Variants in CDYL2 observed in about 807,000 individuals in gnomAD.
CDYL2 encodes chromodomain Y like 2, also known as chromodomain Y-like protein 2.
In CDYL2, 23 loss-of-function variants were observed where a neutral mutation model predicts 49.4. The observed-to-expected ratio is 0.47, with a 90% CI of 0.34 to 0.66. The LOEUF (loss-of-function observed/expected upper bound fraction) is 0.66. Ranked by LOEUF, CDYL2 falls within the 30% of genes least tolerant of loss-of-function variation. The pLI, the probability that CDYL2 is intolerant of heterozygous loss-of-function variation, is 0.01. For synonymous variants in CDYL2, 360 were observed against 268.8 expected, an observed-to-expected ratio of 1.34 and a Z score of -3.32; for missense variants, 678 against 656.4, an observed-to-expected ratio of 1.03 and a Z score of -0.36.
intron 2 of CDYL2, among the ~76,000 whole-genome samples, chr16:80,635,908 C>T (rs1350745358): frequency 6.6e-6 from 1 of 152,112 alleles, no homozygotes; most frequent in African/African-American, 2.4e-5. Flanking sequence ...GAAATAACAC[C>T]ACTCATCTAC....
intron 1 of CDYL2, among the ~76,000 whole-genome samples, chr16:80,706,262 A>C (rs569015413): frequency 6.6e-6 from 1 of 152,358 alleles, no homozygotes; most frequent in East Asian, 1.9e-4. Context: ...CGAGAACTTC[A>C]ACAGGTTTGT....
At chr16:80,613,090 G>A (rs1906674819) in intron 4 of CDYL2, among the ~76,000 whole-genome samples, 1 of 152,028 alleles carries the variant, frequency 6.6e-6, no homozygotes, top group African/African-American at 2.4e-5. Flanking sequence ...ACTGCACCCA[G>A]TTACCATCTC....
At chr16:80,657,331 G>T (rs1011334442) in intron 2 of CDYL2, among the ~76,000 whole-genome samples, 1 of 152,094 alleles carries the variant, frequency 6.6e-6, no homozygotes, top group East Asian at 1.9e-4. Flanking sequence ...ATAGCATAAA[G>T]AACTAATTAA....
intron 2 of CDYL2, among the ~76,000 whole-genome samples, chr16:80,647,788 C>T: frequency 6.6e-6 from 1 of 152,134 alleles, no homozygotes; most frequent in East Asian, 1.9e-4. Context: ...ATTCACAAAA[C>T]AAGTCTTAAA....
chr16:80,734,950 G>C (rs1392417850), intron 1 of CDYL2, among the ~76,000 whole-genome samples: 1 of 152,184 alleles, frequency 6.6e-6, no homozygotes, highest in Non-Finnish European at 1.5e-5. Context: ...AGGCTTCCCA[G>C]TGATCCCTGA....
intron 3 of CDYL2, chr16:80,627,430 C>G (rs895009841): frequency 6.6e-6 from 1 of 152,198 alleles, no homozygotes; most frequent in Non-Finnish European, 1.5e-5. Context: ...CCAAACAAAA[C>G]AGCCATCTCA....
chr16:80,765,876 C>CG (rs1906706083), intron 1 of CDYL2, among the ~76,000 whole-genome samples: 1 of 47,174 alleles, frequency 2.1e-5, no homozygotes, highest in Non-Finnish European at 4.2e-5. Context: ...CCCTCATCTA[C>CG]AAAAAAAAAA....
chr16:80,656,243 C>G (rs549844691), intron 2 of CDYL2, among the ~76,000 whole-genome samples: 1 of 152,224 alleles, frequency 6.6e-6, no homozygotes, highest in African/African-American at 2.4e-5. Flanking sequence ...CCAAGGCATT[C>G]AAAAAGGAGG....
chr16:80,610,717 A>G lies in CDYL2; in HGVS notation c.1218+1909T>C, dbSNP rs561979282. Among the ~76,000 whole-genome samples, 18 of 152,310 alleles carry G rather than the reference A, an allele frequency of 1.2e-4. No homozygotes were observed. In the East Asian group the frequency reaches 3.3e-3, roughly 28 times the overall value. ...TCTGCTGTCCAAGAGGCATGATGAC[A>G]GCACCAAGCTCCCAGCACACTTTGC... is the stretch of plus-strand genomic sequence containing the variant. On this transcript the variant is annotated intron_variant, in intron 5 of 6. Transcript: ENST00000570137.
chr16:80,750,586 AC>A (rs1228788715), intron 1 of CDYL2, among the ~76,000 whole-genome samples: 1 of 152,214 alleles, frequency 6.6e-6, no homozygotes, highest in Non-Finnish European at 1.5e-5. Flanking sequence ...CATTAAAACA[AC>A]CCACCCAAAA....
At chr16:80,750,702 A>G in intron 1 of CDYL2, among the ~76,000 whole-genome samples, 1 of 152,320 alleles carries the variant, frequency 6.6e-6, no homozygotes, top group East Asian at 1.9e-4. Context: ...GAGAGAGAGT[A>G]CTATGTCCAA....
chr16:80,666,143 G>C (rs530738394), intron 2 of CDYL2, among the ~76,000 whole-genome samples: 2 of 152,270 alleles, frequency 1.3e-5, no homozygotes, highest in African/African-American at 4.8e-5. Context: ...TGAAAAGTGA[G>C]GCTCAAAAGC....
chr16:80,779,572 C>T (rs928440591), intron 1 of CDYL2, among the ~76,000 whole-genome samples: 1 of 151,850 alleles, frequency 6.6e-6, no homozygotes, highest in Non-Finnish European at 1.5e-5. Context: ...AAAGCTTATA[C>T]CCCTGTTTAA....
chr16:80,723,222 C>T (rs138487238), intron 1 of CDYL2, among the ~76,000 whole-genome samples: 4 of 152,206 alleles, frequency 2.6e-5, no homozygotes, highest in South Asian at 2.1e-4. Context: ...CATCTCCTCT[C>T]GGAGCTTTTC....
At chr16:80,696,273 T>A (rs900319642) in intron 1 of CDYL2, among the ~76,000 whole-genome samples, 15 of 152,018 alleles carry the variant, frequency 9.9e-5, no homozygotes, top group Admixed American at 4.6e-4. Flanking sequence ...GTAATAGCAA[T>A]GAACATCTAC....
chr16:80,794,127 C>T (rs1180258694), intron 1 of CDYL2, among the ~76,000 whole-genome samples: 1 of 152,158 alleles, frequency 6.6e-6, no homozygotes, highest in Non-Finnish European at 1.5e-5. Flanking sequence ...GTCCCCATTC[C>T]TTCTCTCAAA....
At chr16:80,679,593 A>C in intron 2 of CDYL2, 1 of 411,942 alleles carries the variant, frequency 2.4e-6, no homozygotes, top group South Asian at 1.8e-5. Flanking sequence ...GGAAACTCCA[A>C]GGCCTCATCT....
intron 3 of CDYL2, among the ~76,000 whole-genome samples, chr16:80,623,637 G>A (rs1282508281): frequency 6.6e-6 from 1 of 152,180 alleles, no homozygotes; most frequent in Non-Finnish European, 1.5e-5. Flanking sequence ...TTTGAGAAGT[G>A]CTGCTTTACG....
At chr16:80,714,620 A>G (rs1053202644) in intron 1 of CDYL2, among the ~76,000 whole-genome samples, 3 of 152,168 alleles carry the variant, frequency 2.0e-5, no homozygotes, top group Non-Finnish European at 2.9e-5. Context: ...GGTCACCTCA[A>G]TAAAGCCAAT....
Sources: allele counts gnomAD v4.1 joint callset (sites outside exome capture counted in the v4.1 genomes callset), GRCh38; gene constraint gnomAD v4.1.1; transcripts MANE v1.5; gene names NCBI Gene and HGNC (gene_info 2026-07-23, HGNC 2026-07-21).